PHF21A: variants seen among roughly 807,000 people sequenced by gnomAD.
PHF21A encodes the protein PHD finger protein 21A.
In PHF21A, 11 loss-of-function variants were observed where a neutral mutation model predicts 82.5. The observed-to-expected ratio is 0.13, with a 90% CI of 0.08 to 0.22. The LOEUF (loss-of-function observed/expected upper bound fraction) is 0.22, where lower values mean the gene tolerates loss of function less well. PHF21A is among the 10% of genes least tolerant of loss of function. PHF21A has a pLI of 1.00. For missense variants in PHF21A, 579 were observed against 837.8 expected (o/e 0.69, Z 3.81); for synonymous variants, 297 against 302.8 (o/e 0.98, Z 0.20).
In PHF21A at chr11:46,102,846, T is replaced by C. The variant is rs2097111883; in HGVS notation, c.-236-10623A>G. ...CTGTTAAAGCTTAAGGTTTTGATAATAGCTCAGTATCTCCCTGTTTAAAAA... is the reference window on the plus strand; with the variant it reads ...CTGTTAAAGCTTAAGGTTTTGATAACAGCTCAGTATCTCCCTGTTTAAAAA... On this transcript the variant is annotated intron_variant, in intron 1 of 18. Coordinates refer to ENST00000676320, the MANE Select transcript of PHF21A (RefSeq NM_001352027.3). Among the ~76,000 whole-genome samples, 4 of 152,344 alleles carry C rather than the reference T, an allele frequency of 2.6e-5. No homozygotes were observed. In the South Asian group the frequency reaches 8.3e-4, roughly 32 times the overall value.
In PHF21A at chr11:46,090,764, G is replaced by C. The variant is rs111573984; in HGVS notation, c.-195-198C>G. ...TCAATATGTACCTGAATAACAACCT[G>C]TCAGGGATCTAGAAGAAACTGCCAC... On this transcript the variant is annotated intron_variant, in intron 2 of 18. Coordinates refer to ENST00000676320, the MANE Select transcript of PHF21A (RefSeq NM_001352027.3). 4.3e-3 allele frequency among the ~76,000 whole-genome samples: 646 copies of C among 150,952 alleles called. 4 individuals carry two copies. Among genetic ancestry groups the C allele is most frequent in the African/African-American group, 0.015 (601 of 41,034 alleles).
At chr11:46,114,316 G>A (rs1351637700) in intron 1 of PHF21A, among the ~76,000 whole-genome samples, 5 of 152,226 alleles carry the variant, frequency 3.3e-5, no homozygotes, top group Admixed American at 3.3e-4. Flanking sequence ...CTGCAAGTCT[G>A]TGGAAGGAGG....
intron 6 of PHF21A, among the ~76,000 whole-genome samples, chr11:45,984,316 A>G (rs1165058339): frequency 2.0e-5 from 3 of 152,202 alleles, no homozygotes; most frequent in Non-Finnish European, 4.4e-5. Context: ...GCCCACTTCA[A>G]TCCATCTGTC....
chr11:45,996,325 T>A (rs2094907853), intron 6 of PHF21A, among the ~76,000 whole-genome samples: 1 of 152,268 alleles, frequency 6.6e-6, no homozygotes, highest in African/African-American at 2.4e-5. Flanking sequence ...CATTATAGAG[T>A]GATCTATATT....
chr11:45,929,320 G>A lies in PHF21A; in HGVS notation c.*4648C>T, dbSNP rs1387299990. 2 of 166,880 alleles carry A rather than the reference G, an allele frequency of 1.2e-5. No individual in the cohort carries two copies. Among genetic ancestry groups the A allele is most frequent in the African/African-American group, 2.4e-5 (1 of 41,160 alleles). 10.3% of individuals were successfully genotyped at this position (166,880 alleles called of 1,614,324 possible). A position where few individuals can be genotyped will look rare whatever the true frequency, so the allele number is the denominator to read the frequency against. ...GCCCCAAACCCAACACCATGAGGCT[G>A]AGAGGCTTTATTTGGCTTTATTTAG... On this transcript the variant is annotated 3_prime_UTR_variant, in exon 19 of 19. Coordinates refer to ENST00000676320, the MANE Select transcript of PHF21A (RefSeq NM_001352027.3).
At chr11:46,028,330 A>G (rs2095793627) in intron 6 of PHF21A, among the ~76,000 whole-genome samples, 1 of 152,140 alleles carries the variant, frequency 6.6e-6, no homozygotes, top group African/African-American at 2.4e-5. Context: ...TAATAATACT[A>G]TACATCAAAA....
chr11:45,989,889 C>T (rs1049881601), intron 6 of PHF21A, among the ~76,000 whole-genome samples: 3 of 151,086 alleles, frequency 2.0e-5, no homozygotes, highest in Admixed American at 1.3e-4. Context: ...GTATCAGCTA[C>T]TCAGGAGGCT....
At chr11:45,969,645 CATG>C (rs1379850293) in intron 9 of PHF21A, among the ~76,000 whole-genome samples, 167 bp downstream of exon 9, 2 of 152,178 alleles carry the variant, frequency 1.3e-5, no homozygotes, top group Non-Finnish European at 2.9e-5. Flanking sequence ...GCTAATAAAC[CATG>C]ATGACAAAAT....
chr11:46,013,186 C>T (rs1042212057), intron 6 of PHF21A, among the ~76,000 whole-genome samples: 3 of 152,094 alleles, frequency 2.0e-5, no homozygotes, highest in African/African-American at 7.2e-5. Flanking sequence ...CATAATAACA[C>T]AATATTATAT....
At chr11:46,109,807 C>T (rs1244732199) in intron 1 of PHF21A, among the ~76,000 whole-genome samples, 2 of 151,876 alleles carry the variant, frequency 1.3e-5, no homozygotes, top group Non-Finnish European at 2.9e-5. Context: ...CATGGTGAAA[C>T]CGTCTCTACT....
chr11:46,014,228 A>G (rs2095469917), intron 6 of PHF21A, among the ~76,000 whole-genome samples: 1 of 152,148 alleles, frequency 6.6e-6, no homozygotes, highest in Non-Finnish European at 1.5e-5. Flanking sequence ...AGTGTACCCA[A>G]TGTTTAACTC....
intron 17 of PHF21A, 110 bp downstream of exon 17, chr11:45,936,384 G>A: frequency 1.4e-6 from 1 of 701,544 alleles, no homozygotes; most frequent in Middle Eastern, 3.6e-4. Flanking sequence ...AAGGGCAAAA[G>A]GTTTTCATTT....
intron 6 of PHF21A, among the ~76,000 whole-genome samples, chr11:45,982,627 C>T (rs2136357175): frequency 6.6e-6 from 1 of 152,258 alleles, no homozygotes; most frequent in African/African-American, 2.4e-5. Context: ...TGCTTGGTGA[C>T]TGCTAGAACA....
At chr11:46,013,578 A>C (rs923592058) in intron 6 of PHF21A, among the ~76,000 whole-genome samples, 8 of 152,210 alleles carry the variant, frequency 5.3e-5, no homozygotes, top group Non-Finnish European at 8.8e-5. Context: ...AGACACAGTC[A>C]TGTGTTGCTT....
intron 6 of PHF21A, among the ~76,000 whole-genome samples, chr11:45,987,066 C>T (rs2094513717): frequency 6.6e-6 from 1 of 151,922 alleles, no homozygotes; most frequent in Non-Finnish European, 1.5e-5. Context: ...ATTATGAATG[C>T]GTAAAAGAGA....
At chr11:46,040,510 C>T (rs2138727800) in intron 6 of PHF21A, among the ~76,000 whole-genome samples, 1 of 152,114 alleles carries the variant, frequency 6.6e-6, no homozygotes, top group South Asian at 2.1e-4. Context: ...AGCCCTTGTA[C>T]AATGTAAAAT....
At chr11:46,060,676 T>C (rs2096524600) in intron 6 of PHF21A, among the ~76,000 whole-genome samples, 1 of 152,238 alleles carries the variant, frequency 6.6e-6, no homozygotes, top group African/African-American at 2.4e-5. Flanking sequence ...ACTGTTTTTT[T>C]CTTGTAAATT....
rs182077352 is a variant in PHF21A, at chr11:46,019,930, A to C, written c.154-39964T>G. ...AGGGTTCCTAATAATCTTAATCATC[A>C]TGTCATCTCATTTCAAATTGTGTTC... is the stretch of plus-strand genomic sequence containing the variant. On this transcript the variant is annotated intron_variant, in intron 6 of 18. Transcript: ENST00000676320. Among the ~76,000 whole-genome samples the C allele has an allele frequency of 2.5e-4, 38 of 152,038 alleles. No homozygotes were observed. In the East Asian group the frequency reaches 4.8e-3, roughly 19 times the overall value.
In PHF21A at chr11:45,932,112, C is replaced by T. The variant is rs1368184447; in HGVS notation, c.*1856G>A. On this transcript the variant is annotated 3_prime_UTR_variant, in exon 19 of 19. Coordinates refer to ENST00000676320, the MANE Select transcript of PHF21A (RefSeq NM_001352027.3). This position sits in a 1 kb window ranked among gnomAD's most constrained non-coding sequence, Gnocchi z 4.3. ...AGACGTACCCTCAAAACATGTCACT[C>T]CTCCTCTGTTCTAAGCACCAAGGGC... 2 of 149,926 alleles carry T rather than the reference C, an allele frequency of 1.3e-5. No homozygotes were observed. The highest frequency in any genetic ancestry group is 4.9e-5 in the African/African-American group (2 of 40,672). 9.3% of individuals were successfully genotyped at this position (149,926 alleles called of 1,614,324 possible). A position where few individuals can be genotyped will look rare whatever the true frequency, so the allele number is the denominator to read the frequency against.
Sources: allele counts gnomAD v4.1 joint callset (sites outside exome capture counted in the v4.1 genomes callset), GRCh38; gene constraint gnomAD v4.1.1; non-coding constraint Gnocchi (gnomAD v3.1); transcripts MANE v1.5; gene names NCBI Gene and HGNC (gene_info 2026-07-23, HGNC 2026-07-21).